METTL15: variants seen among roughly 807,000 people sequenced by gnomAD.
The protein encoded by METTL15 is 12S rRNA N(4)-cytidine methyltransferase METTL15.
METTL15 carries 34 observed loss-of-function variants against 38.3 expected under a neutral mutation model. The ratio of observed to expected loss-of-function variants is 0.89; its 90% CI spans 0.68 to 1.18. METTL15 has a LOEUF of 1.18. Among genes scored for constraint, METTL15 ranks in the 50% most tolerant of loss-of-function variants. METTL15 has a pLI of 0.00. For missense variants in METTL15, 438 were observed against 498.4 expected (o/e 0.88, Z 1.15); for synonymous variants, 162 against 170.9 (o/e 0.95, Z 0.41).
At chr11:28,383,609 C>G (rs1056150704) in intron 5 of METTL15, among the ~76,000 whole-genome samples, 69 of 152,088 alleles carry the variant, frequency 4.5e-4, no homozygotes, top group Non-Finnish European at 1.2e-4. Flanking sequence ...CCTTTTTCTC[C>G]ACAATCTCAC....
At chr11:28,467,072 A>T (rs1012179819) in intron 6 of METTL15, among the ~76,000 whole-genome samples, 3 of 152,148 alleles carry the variant, frequency 2.0e-5, no homozygotes, top group African/African-American at 7.2e-5. Flanking sequence ...GGATCTCCCT[A>T]CATATCGTTT....
chr11:28,244,368 TAA>T (rs1854427134), intron 4 of METTL15, among the ~76,000 whole-genome samples: 1 of 152,202 alleles, frequency 6.6e-6, no homozygotes, highest in South Asian at 2.1e-4. Context: ...ATTATGTAGA[TAA>T]GAGTTAATTT....
At chr11:28,481,827 G>A (rs1590390066) in intron 6 of METTL15, among the ~76,000 whole-genome samples, 1 of 152,256 alleles carries the variant, frequency 6.6e-6, no homozygotes, top group African/African-American at 2.4e-5. Context: ...ACTTTGGGAA[G>A]CAATAAATAA....
intron 4 of METTL15, among the ~76,000 whole-genome samples, chr11:28,232,107 T>C (rs370948640): frequency 1.1e-3 from 164 of 152,062 alleles, no homozygotes; most frequent in African/African-American, 2.2e-3. Context: ...CAGACTACTC[T>C]TTAAAATATG....
intron 3 of METTL15, among the ~76,000 whole-genome samples, chr11:28,193,403 G>C (rs1851772792): frequency 6.6e-6 from 1 of 152,124 alleles, no homozygotes; most frequent in Non-Finnish European, 1.5e-5. Flanking sequence ...GAGGAAGAGA[G>C]AGAAGGTGGA....
chr11:28,310,997 TGTGTGTGAGAGA>T (rs1565244658), intron 6 of METTL15, among the ~76,000 whole-genome samples: 2 of 145,888 alleles, frequency 1.4e-5, no homozygotes, highest in Admixed American at 6.8e-5. Context: ...TGTGTGTGTG[TGTGTGTGAGAGA>T]GAGAGAGAGA....
At chr11:28,269,835 G>C (rs1051659409) in intron 4 of METTL15, among the ~76,000 whole-genome samples, 1 of 152,210 alleles carries the variant, frequency 6.6e-6, no homozygotes, top group African/African-American at 2.4e-5. Flanking sequence ...AGCCGGCCTA[G>C]TGCCAGCTTA....
At chr11:28,228,227 T>C (rs1439161796) in intron 4 of METTL15, among the ~76,000 whole-genome samples, 1 of 151,900 alleles carries the variant, frequency 6.6e-6, no homozygotes, top group African/African-American at 2.4e-5. Context: ...ACCTCAAGGC[T>C]TATCTGCTTT....
At chr11:28,167,108 T>TA (rs1331464561) in intron 3 of METTL15, among the ~76,000 whole-genome samples, 1 of 152,226 alleles carries the variant, frequency 6.6e-6, no homozygotes. Context: ...ACACAGTCAT[T>TA]AAATAATGGA....
downstream of METTL15, among the ~76,000 whole-genome samples, chr11:28,531,838 C>T (rs1851844748): frequency 2.0e-5 from 3 of 152,018 alleles, no homozygotes; most frequent in South Asian, 6.2e-4. Flanking sequence ...ACAGAGAATC[C>T]TGCATATCTT....
At chr11:28,293,889 T>G (rs1248790402) in intron 5 of METTL15, among the ~76,000 whole-genome samples, 2 of 152,178 alleles carry the variant, frequency 1.3e-5, no homozygotes, top group Admixed American at 6.5e-5. Context: ...ATGCTTGTGA[T>G]TTTTGCACAT....
intron 5 of METTL15, among the ~76,000 whole-genome samples, chr11:28,386,824 TAAC>T (rs1164077243): frequency 6.6e-6 from 1 of 151,956 alleles, no homozygotes; most frequent in Non-Finnish European, 1.5e-5. Flanking sequence ...AGATCAGTCT[TAAC>T]AAATTTAACA....
intron 5 of METTL15, among the ~76,000 whole-genome samples, chr11:28,423,638 G>A (rs1305331929): frequency 3.3e-5 from 5 of 151,966 alleles, no homozygotes; most frequent in Non-Finnish European, 7.4e-5. Flanking sequence ...CTTATTTTGG[G>A]AAGCTAAGAA....
At chr11:28,454,253 A>G (rs1851149064) in intron 6 of METTL15, among the ~76,000 whole-genome samples, 1 of 152,242 alleles carries the variant, frequency 6.6e-6, no homozygotes, top group African/African-American at 2.4e-5. Flanking sequence ...AAAACTGACT[A>G]ACTTTTAATG....
chr11:28,505,647 ATAAACT>A (rs1272063471), intron 6 of METTL15, among the ~76,000 whole-genome samples: 1 of 152,244 alleles, frequency 6.6e-6, no homozygotes, highest in African/African-American at 2.4e-5. Flanking sequence ...TAATAGAATA[ATAAACT>A]TGATGAGGGT....
chr11:28,129,832 G>T (rs1324312682), intron 3 of METTL15, among the ~76,000 whole-genome samples: 1 of 152,122 alleles, frequency 6.6e-6, no homozygotes, highest in Non-Finnish European at 1.5e-5. Context: ...CTAAAATAGT[G>T]AGTGAATAAG....
rs1266126011 is a variant in METTL15, at chr11:28,491,341, T to C, written c.*425-35137T>C. 2.6e-5 allele frequency among the ~76,000 whole-genome samples: 4 copies of C among 152,240 alleles called. No homozygotes were observed. The East Asian group carries it at 7.7e-4, about 29-fold the overall frequency. The stretch of plus-strand genomic sequence containing the variant: ...CTTGATTCTAGAAGGAGTCCCCTTA[T>C]TGAAACTGAGGGACAGGGTAGGAGC... On this transcript the variant is annotated intron_variant and NMD_transcript_variant, in intron 6 of 7. Transcript: ENST00000532947.
At chr11:28,220,445 C>A (rs1048239240) in intron 4 of METTL15, among the ~76,000 whole-genome samples, 10 of 152,090 alleles carry the variant, frequency 6.6e-5, no homozygotes, top group African/African-American at 2.2e-4. Context: ...TATTTTGAGC[C>A]TATGTGTGTC....
intron 6 of METTL15, among the ~76,000 whole-genome samples, chr11:28,441,833 C>G (rs1018093833): frequency 6.6e-6 from 1 of 152,148 alleles, no homozygotes; most frequent in Non-Finnish European, 1.5e-5. Flanking sequence ...TCCAATCAAC[C>G]CAGATTATCA....
Sources: allele counts gnomAD v4.1 joint callset (sites outside exome capture counted in the v4.1 genomes callset), GRCh38; gene constraint gnomAD v4.1.1; transcripts MANE v1.5; gene names NCBI Gene and HGNC (gene_info 2026-07-23, HGNC 2026-07-21).